The following CAMK1D variants were observed in gnomAD, a reference collection of about 807,000 sequenced individuals.
The protein encoded by CAMK1D is calcium/calmodulin dependent protein kinase ID.
Under a neutral mutation model 47.7 loss-of-function variants are expected in CAMK1D, and 9 were observed. The observed-to-expected ratio is 0.19, with a 90% CI of 0.11 to 0.33. The LOEUF (loss-of-function observed/expected upper bound fraction) is 0.33, where lower values mean the gene tolerates loss of function less well. Among genes scored for constraint, CAMK1D ranks in the 10% least tolerant of loss-of-function variants. The pLI, the probability that CAMK1D is intolerant of heterozygous loss-of-function variation, is 1.00. For synonymous variants in CAMK1D, 184 were observed against 184.9 expected, an observed-to-expected ratio of 0.99 and a Z score of 0.04; for missense variants, 291 against 488.7, an observed-to-expected ratio of 0.60 and a Z score of 3.81.
chr10:12,402,898 G>A (rs1474391658), intron 1 of CAMK1D, among the ~76,000 whole-genome samples: 1 of 152,094 alleles, frequency 6.6e-6, no homozygotes, highest in Non-Finnish European at 1.5e-5. Flanking sequence ...ATGAGTTCCA[G>A]ATGCGCAGAA....
At chr10:12,576,305 A>T (rs754801882) in intron 2 of CAMK1D, among the ~76,000 whole-genome samples, 5 of 152,178 alleles carry the variant, frequency 3.3e-5, no homozygotes, top group African/African-American at 1.2e-4. Flanking sequence ...CACATAGTTA[A>T]CACAGTTTGG....
intron 3 of CAMK1D, among the ~76,000 whole-genome samples, chr10:12,736,865 G>A (rs74118555): frequency 0.015 from 2,253 of 152,290 alleles, 63 homozygotes; most frequent in African/African-American, 0.051. Context: ...TAGCCCCTGC[G>A]TTTCTCTCTC....
chr10:12,489,060 C>T (rs539247268), intron 1 of CAMK1D, among the ~76,000 whole-genome samples: 15 of 152,216 alleles, frequency 9.9e-5, no homozygotes, highest in South Asian at 8.3e-4. Flanking sequence ...CTCAGTCTCC[C>T]GAGTAGCTGG....
intron 1 of CAMK1D, among the ~76,000 whole-genome samples, chr10:12,510,521 C>T (rs1380841719): frequency 6.6e-6 from 1 of 152,230 alleles, no homozygotes; most frequent in Admixed American, 6.5e-5. Context: ...ACCACACAAA[C>T]ACTCCTTCGA....
At chr10:12,392,798 C>G (rs1385148726) in intron 1 of CAMK1D, among the ~76,000 whole-genome samples, 1 of 152,098 alleles carries the variant, frequency 6.6e-6, no homozygotes, top group Non-Finnish European at 1.5e-5. Context: ...GTCTCCCCAA[C>G]CCCCTGACCC....
intron 6 of CAMK1D, among the ~76,000 whole-genome samples, chr10:12,808,054 C>G (rs1273120996): frequency 2.0e-5 from 3 of 152,214 alleles, no homozygotes; most frequent in Non-Finnish European, 2.9e-5. Context: ...CTCTTCCATG[C>G]TGGAATAAAC....
chr10:12,636,123 G>T (rs958178604), intron 2 of CAMK1D, among the ~76,000 whole-genome samples: 3 of 152,122 alleles, frequency 2.0e-5, no homozygotes, highest in African/African-American at 7.2e-5. Context: ...ATTTCACATT[G>T]TTATATGATC....
At chr10:12,390,331 T>C (rs1425731806) in intron 1 of CAMK1D, among the ~76,000 whole-genome samples, 2 of 152,176 alleles carry the variant, frequency 1.3e-5, no homozygotes, top group African/African-American at 4.8e-5. Flanking sequence ...CTCAGCTTCC[T>C]AATTGCTGGG....
intron 1 of CAMK1D, among the ~76,000 whole-genome samples, chr10:12,450,868 C>G (rs2724816): frequency 0.8 from 121,830 of 152,164 alleles, 49,040 homozygotes; most frequent in East Asian, 0.85. Flanking sequence ...GGATGAAAAA[C>G]TCATGCTTTG....
intron 1 of CAMK1D, among the ~76,000 whole-genome samples, chr10:12,418,640 A>G (rs978920366): frequency 2.6e-5 from 4 of 152,240 alleles, no homozygotes; most frequent in Non-Finnish European, 4.4e-5. Context: ...CACTCCAACT[A>G]GCAATGTGTG....
chr10:12,765,920 T>C (rs1301980427), intron 4 of CAMK1D, among the ~76,000 whole-genome samples: 1 of 151,656 alleles, frequency 6.6e-6, no homozygotes, highest in Non-Finnish European at 1.5e-5. Flanking sequence ...GTGTGCCATT[T>C]CCATAGGGCA....
At chr10:12,589,307 C>T (rs561111420) in intron 2 of CAMK1D, among the ~76,000 whole-genome samples, 24 of 152,308 alleles carry the variant, frequency 1.6e-4, no homozygotes, top group Middle Eastern at 3.4e-3. Flanking sequence ...AGCCACTGCG[C>T]GCAGCCTGTA....
chr10:12,714,761 T>TACAC (rs55827922), intron 3 of CAMK1D, among the ~76,000 whole-genome samples: 20,378 of 130,272 alleles, frequency 0.16, 1,628 homozygotes, highest in African/African-American at 0.17. Flanking sequence ...TACATTAAAT[T>TACAC]ACACACACAC....
intron 3 of CAMK1D, among the ~76,000 whole-genome samples, chr10:12,745,482 T>A (rs2130858032): frequency 6.6e-6 from 1 of 152,368 alleles, no homozygotes; most frequent in Middle Eastern, 3.4e-3. Flanking sequence ...ACAATTCTGG[T>A]AGTGCTGAAG....
chr10:12,582,853 C>T (rs1015658583), intron 2 of CAMK1D, among the ~76,000 whole-genome samples: 11 of 152,140 alleles, frequency 7.2e-5, no homozygotes, highest in Admixed American at 6.5e-4. Context: ...AATTAAACAC[C>T]CACTGTTTAC....
intron 1 of CAMK1D, among the ~76,000 whole-genome samples, chr10:12,357,107 G>A (rs551756968): frequency 1.3e-5 from 2 of 152,188 alleles, no homozygotes; most frequent in Non-Finnish European, 2.9e-5. Flanking sequence ...TGGGTCCAGC[G>A]GAGATTTGTC....
rs182615049 is a variant in CAMK1D, at chr10:12,605,400, T to G, written c.224+52044T>G. 2.3e-3 allele frequency among the ~76,000 whole-genome samples: 348 copies of G among 150,648 alleles called. 1 individual carries two copies. In the Middle Eastern group the frequency reaches 0.034, roughly 15 times the overall value. ...TCAAAGAGAGAGACAGACACACATATATACACCCCTTGGCCAGAACTTCAC... is the reference window on the plus strand; with the variant it reads ...TCAAAGAGAGAGACAGACACACATAGATACACCCCTTGGCCAGAACTTCAC... On this transcript the variant is annotated intron_variant, in intron 2 of 10. Transcript: ENST00000619168.
At chr10:12,628,940 G>C (rs1588708658) in intron 2 of CAMK1D, among the ~76,000 whole-genome samples, 1 of 152,198 alleles carries the variant, frequency 6.6e-6, no homozygotes, top group Non-Finnish European at 1.5e-5. Context: ...TAAGTGGCTT[G>C]ATAGCTTATT....
At chr10:12,452,561 A>G (rs1438653984) in intron 1 of CAMK1D, among the ~76,000 whole-genome samples, 1 of 151,986 alleles carries the variant, frequency 6.6e-6, no homozygotes, top group African/African-American at 2.4e-5. Context: ...CATTATAGTA[A>G]TATGTATTAA....
Sources: allele counts gnomAD v4.1 joint callset (sites outside exome capture counted in the v4.1 genomes callset), GRCh38; gene constraint gnomAD v4.1.1; transcripts MANE v1.5; gene names NCBI Gene and HGNC (gene_info 2026-07-23, HGNC 2026-07-21).